PVT1: variants seen among roughly 807,000 people sequenced by gnomAD.
PVT1 encodes CXCR4/PVT1 fusion.
intron 4 of PVT1, among the ~76,000 whole-genome samples, chr8:127,993,006 C>G (rs1460425513): frequency 6.6e-6 from 1 of 152,210 alleles, no homozygotes; most frequent in South Asian, 2.1e-4. Flanking sequence ...CTGGCCCACT[C>G]GGAACTCTAC....
chr8:127,916,555 C>T (rs546509496), intron 3 of PVT1, among the ~76,000 whole-genome samples: 4 of 152,256 alleles, frequency 2.6e-5, no homozygotes, highest in Non-Finnish European at 5.9e-5. Flanking sequence ...TGTCCGTATT[C>T]GCCATAACCA....
chr8:127,966,532 C>A (rs1346844679), intron 3 of PVT1, among the ~76,000 whole-genome samples: 5 of 152,196 alleles, frequency 3.3e-5, no homozygotes, highest in Admixed American at 6.5e-5. Context: ...TGCCCCTCTT[C>A]TCAGCAGCCA....
chr8:128,100,141 T>TTCCTC, intron 6 of PVT1, among the ~76,000 whole-genome samples: 2 of 128,516 alleles, frequency 1.6e-5, no homozygotes, highest in Non-Finnish European at 3.3e-5. Flanking sequence ...CTCCCTCCCT[T>TTCCTC]CCTTCCTTCC....
intron 4 of PVT1, among the ~76,000 whole-genome samples, chr8:128,053,454 T>C (rs1170627831): frequency 2.0e-5 from 3 of 149,684 alleles, no homozygotes; most frequent in East Asian, 1.9e-4. Context: ...TATATATGGG[T>C]ATTATATATA....
chr8:127,944,026 G>T (rs1452114859), intron 3 of PVT1, among the ~76,000 whole-genome samples: 2 of 152,052 alleles, frequency 1.3e-5, no homozygotes, highest in Non-Finnish European at 2.9e-5. Context: ...AAAAAATAGG[G>T]GTTATATTTA....
At chr8:127,936,138 G>A (rs1167665889) in intron 3 of PVT1, among the ~76,000 whole-genome samples, 3 of 145,728 alleles carry the variant, frequency 2.1e-5, no homozygotes, top group Non-Finnish European at 4.5e-5. Flanking sequence ...CACAACCTCC[G>A]CGTCCCAGGT....
intron 3 of PVT1, among the ~76,000 whole-genome samples, chr8:127,980,368 A>AG (rs1443333963): frequency 6.6e-6 from 1 of 152,142 alleles, no homozygotes. Flanking sequence ...GTTATAGTCT[A>AG]GGGGGTTTGG....
At chr8:127,886,969 T>G (rs950535833) in intron 2 of PVT1, among the ~76,000 whole-genome samples, 2 of 152,192 alleles carry the variant, frequency 1.3e-5, no homozygotes, top group African/African-American at 4.8e-5. Context: ...TTTGTTTCAG[T>G]AGGTAGTTAA....
At chr8:127,835,041 T>G (rs902754531) in intron 2 of PVT1, among the ~76,000 whole-genome samples, 1 of 152,156 alleles carries the variant, frequency 6.6e-6, no homozygotes, top group Non-Finnish European at 1.5e-5. Flanking sequence ...AGTGGGGTGA[T>G]TCCTCAAGGA....
Position 127,898,417 on chromosome 8 carries a change from T to A in PVT1, n.782+7419T>A, listed in dbSNP as rs1249308365. On this transcript the variant is annotated intron_variant and non_coding_transcript_variant, in intron 3 of 10. Coordinates refer to ENST00000651587, the Ensembl canonical transcript of PVT1. This position sits in a 1 kb window ranked among gnomAD's most constrained non-coding sequence, Gnocchi z 4.4. Reference sequence around the variant, plus strand: ...AAATGAGTGGAGTAGAACCCAGAGATCAGGCTTTTGAGGACGGTAAAGCCT... The same window carrying A: ...AAATGAGTGGAGTAGAACCCAGAGAACAGGCTTTTGAGGACGGTAAAGCCT... 6.6e-6 allele frequency among the ~76,000 whole-genome samples: 1 copy of A among 152,244 alleles called. No individual in the cohort carries two copies. The highest frequency in any genetic ancestry group is 1.5e-5 in the Non-Finnish European group (1 of 68,036).
chr8:127,964,845 A>G (rs1375391270), intron 3 of PVT1, among the ~76,000 whole-genome samples: 1 of 147,410 alleles, frequency 6.8e-6, no homozygotes, highest in Non-Finnish European at 1.5e-5. Context: ...ATTTATTTTA[A>G]GAATGGGGTT....
At chr8:128,061,995 T>G (rs1037654782) in intron 4 of PVT1, among the ~76,000 whole-genome samples, 2 of 152,274 alleles carry the variant, frequency 1.3e-5, no homozygotes, top group African/African-American at 4.8e-5. Context: ...CTTACCCACC[T>G]TCCCATGGAC....
intron 3 of PVT1, among the ~76,000 whole-genome samples, chr8:127,945,811 C>T (rs1014733173): frequency 3.3e-5 from 5 of 152,130 alleles, no homozygotes; most frequent in African/African-American, 1.2e-4. Context: ...CTTCAACTAA[C>T]CAACATTATT....
chr8:127,806,088 A>G (rs1814523641), intron 2 of PVT1, among the ~76,000 whole-genome samples: 2 of 152,224 alleles, frequency 1.3e-5, no homozygotes, highest in African/African-American at 2.4e-5. Context: ...TGTATGCAGA[A>G]TTCCCAAAAG....
chr8:127,847,169 A>C (rs1815045024), intron 2 of PVT1, among the ~76,000 whole-genome samples: 1 of 151,744 alleles, frequency 6.6e-6, no homozygotes, highest in Admixed American at 6.6e-5. Context: ...CACCTGGCTA[A>C]TTTTTGTACT....
intron 2 of PVT1, among the ~76,000 whole-genome samples, chr8:127,881,299 C>T (rs1016055559): frequency 9.9e-5 from 15 of 151,852 alleles, no homozygotes; most frequent in South Asian, 4.2e-4. Context: ...CACTGTGTGC[C>T]GGAGCACTCT....
Position 127,871,733 on chromosome 8 carries a change from A to C in PVT1, n.373-18856A>C, listed in dbSNP as rs115693732. Among the ~76,000 whole-genome samples, 792 of 152,334 alleles carry C rather than the reference A, an allele frequency of 5.2e-3. 12 individuals are homozygous for C. The highest frequency in any genetic ancestry group is 0.018 in the African/African-American group (742 of 41,584). ...TTGATTCAAAAACAAAACCCAGCGAAGCATCTGTACTTTTTTTTCTGATTG... is the reference window on the plus strand; with the variant it reads ...TTGATTCAAAAACAAAACCCAGCGACGCATCTGTACTTTTTTTTCTGATTG... On this transcript the variant is annotated intron_variant and non_coding_transcript_variant, in intron 2 of 10. Coordinates refer to ENST00000651587, the Ensembl canonical transcript of PVT1.
At chr8:127,845,536 C>A (rs1815021948) in intron 2 of PVT1, among the ~76,000 whole-genome samples, 1 of 152,062 alleles carries the variant, frequency 6.6e-6, no homozygotes, top group African/African-American at 2.4e-5. Context: ...GAATGGCTAG[C>A]CAAAAATACT....
chr8:127,937,492 C>T (rs59923429), intron 3 of PVT1, among the ~76,000 whole-genome samples: 3,466 of 151,290 alleles, frequency 0.023, 134 homozygotes, highest in African/African-American at 0.08. Flanking sequence ...AAGTGATCCA[C>T]CCTCCTTGGG....
Sources: gnomAD v4.1 joint callset for allele counts (sites outside exome capture counted in the v4.1 genomes callset) on GRCh38, gnomAD v4.1.1 for gene constraint, Gnocchi (gnomAD v3.1) non-coding constraint, MANE v1.5 for transcripts, NCBI Gene and HGNC (gene_info 2026-07-23, HGNC 2026-07-21) for gene names.